Variants in C4orf36 observed in about 807,000 individuals in gnomAD.
C4orf36 encodes the protein chromosome 4 open reading frame 36.
C4orf36 carries 11 observed loss-of-function variants against 12.2 expected under a neutral mutation model. The observed-to-expected ratio is 0.90, with a 90% CI of 0.57 to 1.49. The LOEUF (loss-of-function observed/expected upper bound fraction) is 1.49. C4orf36 is among the 40% of genes most tolerant of loss of function. C4orf36 has a pLI of 0.00. For missense variants in C4orf36, 137 were observed against 133.9 expected (o/e 1.02, Z -0.11); for synonymous variants, 54 against 51.3 (o/e 1.05, Z -0.22).
At chr4:86,895,406 A>C (rs1747568722), upstream of C4orf36, among the ~76,000 whole-genome samples, 1 of 152,268 alleles carries the variant, frequency 6.6e-6, no homozygotes, top group African/African-American at 2.4e-5. Flanking sequence ...ACAGCAATAG[A>C]TACCACTAAA....
the C4orf36 span, among the ~76,000 whole-genome samples, chr4:86,901,471 G>A: frequency 4.0e-5 from 6 of 151,376 alleles, no homozygotes; most frequent in East Asian, 2.0e-4. Flanking sequence ...CCAGTGGCGC[G>A]ATCTCGGCTC....
the C4orf36 span, among the ~76,000 whole-genome samples, chr4:86,922,872 G>A: frequency 6.6e-6 from 1 of 151,978 alleles, no homozygotes; most frequent in East Asian, 1.9e-4. Context: ...TCTCTTCCAA[G>A]TCTGTTACTC....
chr4:86,907,386 A>G, the C4orf36 span, among the ~76,000 whole-genome samples: 3 of 152,184 alleles, frequency 2.0e-5, no homozygotes, highest in Non-Finnish European at 4.4e-5. Flanking sequence ...AAATATTATA[A>G]CTAGATATAA....
chr4:86,904,960 T>C, the C4orf36 span, among the ~76,000 whole-genome samples: 47 of 151,988 alleles, frequency 3.1e-4, no homozygotes, highest in Admixed American at 7.2e-4. Flanking sequence ...TGAGGGGCGG[T>C]TGCGGTAACT....
At chr4:86,879,575 T>C (rs2904150) in intron 4 of C4orf36, among the ~76,000 whole-genome samples, 69,097 of 151,970 alleles carry the variant, frequency 0.45, 17,235 homozygotes, top group South Asian at 0.68. Context: ...ATATGCATGA[T>C]GGGAGACCCA....
the C4orf36 span, among the ~76,000 whole-genome samples, chr4:86,907,774 C>G: frequency 4.0e-5 from 6 of 151,776 alleles, no homozygotes; most frequent in African/African-American, 1.5e-4. Flanking sequence ...GCCAGGAGTT[C>G]GAGACCAACA....
At chr4:86,895,876 C>G (rs139975569), upstream of C4orf36, among the ~76,000 whole-genome samples, 269 of 152,346 alleles carry the variant, frequency 1.8e-3, no homozygotes, top group African/African-American at 6.1e-3. Context: ...CCCATCTCTT[C>G]TATGCCAGAA....
At position 86,887,818 on chromosome 4, in the gene C4orf36, A is replaced by G. The variant is rs1430402370; in HGVS notation, c.296T>C (p.Ile99Thr). 6.2e-7 allele frequency: 1 copy of G among 1,614,208 alleles called. No homozygotes were observed. Among genetic ancestry groups the G allele is most frequent in the Non-Finnish European group, 8.5e-7 (1 of 1,180,040 alleles). The change falls in exon 4 of 5, where the codon ATT becomes ACT. Residue 99 changes from isoleucine (I) to threonine (T), a missense_variant. Ile to Thr is a moderately conservative substitution (Grantham distance 89, BLOSUM62 -1). Coordinates refer to ENST00000295898, the MANE Select transcript of C4orf36 (RefSeq NM_144645.4). ...LKCQENTSKE[I>T]QLLLRERPAG... ...TGGCCTTTCCCTCAGGAGAAGCTGA[A>G]TTTCCTTAGATGTATTTTCTTGACA...
intron 4 of C4orf36, among the ~76,000 whole-genome samples, chr4:86,885,437 T>G (rs918847909): frequency 3.9e-5 from 6 of 152,154 alleles, no homozygotes; most frequent in East Asian, 1.9e-4. Context: ...TGGATTCCTA[T>G]GTATTTTATT....
At chr4:86,879,035 G>A (rs1746986061) in intron 4 of C4orf36, among the ~76,000 whole-genome samples, 1 of 151,498 alleles carries the variant, frequency 6.6e-6, no homozygotes, top group Non-Finnish European at 1.5e-5. Context: ...AATGTCTAAA[G>A]ACTGGGAGAG....
In C4orf36 at chr4:86,887,872, T is replaced by A. The variant is rs28664715; in HGVS notation, c.242A>T (p.Tyr81Phe). ...SAESIKLEREYEVKRLCKLKC... is the reference protein window; with the variant it reads ...SAESIKLEREFEVKRLCKLKC... ...CAGTTTACAAAGACGCTTCACTTCA[T>A]ACTCCCTTTCGAGTTTGATAGCTGA... Residue 81 changes from tyrosine (Y) to phenylalanine (F), a missense_variant, in exon 4 of 5, where the codon TAT (tyrosine) becomes TTT (phenylalanine). Transcript: ENST00000295898. 2 of 1,614,026 alleles carry A rather than the reference T, an allele frequency of 1.2e-6. No homozygotes were observed. Among genetic ancestry groups the A allele is most frequent in the African/African-American group, 2.7e-5 (2 of 75,056 alleles).
At chr4:86,916,157 G>C in the C4orf36 span, among the ~76,000 whole-genome samples, 6 of 152,160 alleles carry the variant, frequency 3.9e-5, no homozygotes, top group Non-Finnish European at 7.4e-5. Flanking sequence ...TTTATGTGCA[G>C]TTGCTAAGAA....
chr4:86,917,480 GAA>G, the C4orf36 span, among the ~76,000 whole-genome samples: 1 of 135,208 alleles, frequency 7.4e-6, no homozygotes, highest in African/African-American at 2.7e-5. Context: ...AAGAAATAAA[GAA>G]AAAGAAAGGG....
chr4:86,903,386 C>T, the C4orf36 span, among the ~76,000 whole-genome samples: 2 of 152,170 alleles, frequency 1.3e-5, no homozygotes, highest in African/African-American at 2.4e-5. Flanking sequence ...TGGTGCACAC[C>T]TGTAGACCCA....
chr4:86,927,152 C>G, the C4orf36 span, among the ~76,000 whole-genome samples: 1 of 152,152 alleles, frequency 6.6e-6, no homozygotes, highest in Non-Finnish European at 1.5e-5. Context: ...TCCTAAGGGC[C>G]TAGAATGTAC....
chr4:86,915,186 G>C, the C4orf36 span, among the ~76,000 whole-genome samples: 2 of 152,054 alleles, frequency 1.3e-5, no homozygotes, highest in Admixed American at 1.3e-4. Flanking sequence ...TGTGTTCTCT[G>C]AGCTGCCCCC....
chr4:86,913,378 T>A, the C4orf36 span: 1 of 793,792 alleles, frequency 1.3e-6, no homozygotes, highest in African/African-American at 1.7e-5. Flanking sequence ...AATAGAGACT[T>A]GAGTGATGCT....
chr4:86,905,640 G>A, the C4orf36 span, among the ~76,000 whole-genome samples: 1 of 152,016 alleles, frequency 6.6e-6, no homozygotes, highest in South Asian at 2.1e-4. Flanking sequence ...ATCTGAGGTT[G>A]GCCCCAGAAA....
chr4:86,896,285 A>G (rs1321183844), upstream of C4orf36, among the ~76,000 whole-genome samples: 4 of 152,236 alleles, frequency 2.6e-5, no homozygotes, highest in African/African-American at 9.6e-5. Context: ...ACACATTTGA[A>G]AACAGTTACG....
Sources: allele counts gnomAD v4.1 joint callset (sites outside exome capture counted in the v4.1 genomes callset), GRCh38; gene constraint gnomAD v4.1.1; transcripts MANE v1.5; gene names NCBI Gene and HGNC (gene_info 2026-07-23, HGNC 2026-07-21).